The following PCNT variants were observed in gnomAD, a reference collection of about 807,000 sequenced individuals.
The protein encoded by PCNT is pericentrin.
PCNT carries 319 observed loss-of-function variants against 380.4 expected under a neutral mutation model. The observed-to-expected ratio is 0.84, with a 90% confidence interval of 0.77 to 0.92. The LOEUF is 0.92. PCNT is among the 40% of genes least tolerant of loss of function. PCNT has a pLI of 0.00. For missense variants in PCNT, 4,400 were observed against 4,255.3 expected (o/e 1.03, Z -0.95); for synonymous variants, 1,845 against 1,735.2 (o/e 1.06, Z -1.57).
intron 15 of PCNT, 51 bp from the exon 16 acceptor site, chr21:46,381,642 GA>G: frequency 6.4e-7 from 1 of 1,552,978 alleles, no homozygotes. Flanking sequence ...TAACAGCAAA[GA>G]AAGTATTTTT....
chr21:46,361,023 A>C (rs1307249012), intron 13 of PCNT, among the ~76,000 whole-genome samples: 1 of 152,102 alleles, frequency 6.6e-6, no homozygotes, highest in Non-Finnish European at 1.5e-5. Context: ...TCTAGAACTG[A>C]TTTTAATGTA....
At chr21:46,369,338 A>G (rs1310332322) in intron 15 of PCNT, among the ~76,000 whole-genome samples, 1 of 152,196 alleles carries the variant, frequency 6.6e-6, no homozygotes. Context: ...CCTCCCAGGT[A>G]GTTGGAATTA....
At chr21:46,387,181 A>C (rs1464993084) in intron 17 of PCNT, among the ~76,000 whole-genome samples, 1 of 152,006 alleles carries the variant, frequency 6.6e-6, no homozygotes, top group East Asian at 1.9e-4. Context: ...CTGTTTCTGG[A>C]GCATTGGTGT....
rs1326455412 is a variant in PCNT, at chr21:46,363,838, A to C, written c.2513A>C (p.Gln838Pro). ...TCAGACGACGCCCTGCATTGCAGCC[A>C]GTGTGGGCGGGAGCCGCCCACAGCC... is the stretch of plus-strand genomic sequence containing the variant. The part of the protein sequence containing the change: ...LTSDDALHCS[Q>P]CGREPPTAQD... Residue 838 changes from glutamine (Q) to proline (P), a missense_variant, in exon 14 of 47, where the codon CAG becomes CCG. Physicochemically the swap from Gln to Pro is moderately conservative, Grantham distance 76 (BLOSUM62 -1). Coordinates refer to ENST00000359568, the MANE Select transcript of PCNT (RefSeq NM_006031.6). 2 of 1,612,100 alleles carry C rather than the reference A, an allele frequency of 1.2e-6. No individual in the cohort carries two copies. The highest frequency in any genetic ancestry group is 2.2e-5 in the East Asian group (1 of 44,856).
chr21:46,325,021 G>T (rs977080688), intron 1 of PCNT: 50 of 985,190 alleles, frequency 5.1e-5, no homozygotes, highest in Non-Finnish European at 5.8e-5. Context: ...CGCTGGCGCC[G>T]GGCGCCTTCA....
At position 46,346,121 on chromosome 21, in the gene PCNT, T is replaced by TC. The variant is rs1312705329; in HGVS notation, c.640-3dup. The TC allele has an allele frequency of 1.9e-6, 3 of 1,613,892 alleles. No homozygotes were observed. In the African/African-American group the frequency reaches 4.0e-5, roughly 22 times the overall value. ...CTGGACCTACATTCTTTGCCTTTTT[T>TC]CCCCAGGAGTGTGAACAAGAATGTG... On this transcript the variant is annotated splice_region_variant and splice_polypyrimidine_tract_variant and intron_variant, in intron 3 of 46. Coordinates refer to ENST00000359568, the MANE Select transcript of PCNT (RefSeq NM_006031.6).
intron 33 of PCNT, among the ~76,000 whole-genome samples, 153 bp downstream of exon 33, chr21:46,426,124 A>G (rs1354695807): frequency 2.4e-5 from 2 of 83,494 alleles, no homozygotes; most frequent in Non-Finnish European, 4.2e-5. Flanking sequence ...AACCTCCACC[A>G]CCCCGGGTCA....
rs2087474843 is a variant in PCNT at position 46,425,900 on chromosome 21, A to G, written c.7249A>G (p.Ser2417Gly). The change falls in exon 33 of 47, where the codon AGC becomes GGC. Residue 2417 changes from serine (S) to glycine (G), a missense_variant. By Grantham distance (56) the Ser-to-Gly change is moderately conservative (BLOSUM62 0). Coordinates refer to ENST00000359568, the MANE Select transcript of PCNT (RefSeq NM_006031.6). The surrounding 1 kb of genome is among the most constrained non-coding windows in gnomAD (Gnocchi z 4.2). ...LALSEGLAPP[S>G]GEPHPPRKED... ...GCTGTCAGAAGGCCTTGCACCCCCA[A>G]GCGGCGAGCCACACCCACCCCGGAA... is the stretch of plus-strand genomic sequence containing the variant. 1 of 1,613,886 alleles carries G rather than the reference A, an allele frequency of 6.2e-7. No homozygotes were observed. Among genetic ancestry groups the G allele is most frequent in the East Asian group, 2.2e-5 (1 of 44,872 alleles).
intron 8 of PCNT, among the ~76,000 whole-genome samples, chr21:46,350,373 C>A (rs558326255): frequency 2.0e-5 from 3 of 152,040 alleles, no homozygotes; most frequent in Non-Finnish European, 4.4e-5. Flanking sequence ...AAGGCCACAT[C>A]CTCTAACCGT....
At chr21:46,336,817 A>G (rs1168304744) in intron 3 of PCNT, among the ~76,000 whole-genome samples, 1 of 152,056 alleles carries the variant, frequency 6.6e-6, no homozygotes, top group African/African-American at 2.4e-5. Flanking sequence ...ATAGACATAT[A>G]TGTTAAATAG....
chr21:46,389,302 C>T lies in PCNT; in HGVS notation c.3711C>T (p.His1237=). 1.2e-6 allele frequency: 2 copies of T among 1,614,236 alleles called. No individual in the cohort carries two copies. The highest frequency in any genetic ancestry group is 2.2e-5 in the East Asian group (1 of 44,878). ...EMSSVAEISS[H]MRESFLMSPE... ...CTTCCGTGGCTGAAATTAGCAGCCACATGCGTGAAAGCTTTCTCATGAGCC... is the reference window on the plus strand; with the variant it reads ...CTTCCGTGGCTGAAATTAGCAGCCATATGCGTGAAAGCTTTCTCATGAGCC... Residue 1237 remains histidine, a synonymous_variant, in exon 19 of 47, where the codon CAC becomes CAT. Coordinates refer to ENST00000359568, the MANE Select transcript of PCNT (RefSeq NM_006031.6).
chr21:46,340,628 G>T (rs2083886122), intron 3 of PCNT, among the ~76,000 whole-genome samples: 1 of 152,090 alleles, frequency 6.6e-6, no homozygotes, highest in South Asian at 2.1e-4. Flanking sequence ...TGAGTGAATT[G>T]GTCTCCACTT....
rs751787489 is a variant in PCNT, at chr21:46,431,489, C to G, written c.8065-40C>G. On this transcript the variant is annotated intron_variant, in intron 37 of 46. Transcript: ENST00000359568. The stretch of plus-strand genomic sequence containing the variant: ...GGAAAACCATGTAGACACTTTTCCT[C>G]TTGATTCAGTGTCTCCCATCGTATG... 11 of 1,613,694 alleles carry G rather than the reference C, an allele frequency of 6.8e-6. No individual in the cohort carries two copies. In the South Asian group the frequency reaches 7.7e-5, roughly 11 times the overall value.
chr21:46,334,478 T>G lies in PCNT; in HGVS notation c.349T>G (p.Cys117Gly), dbSNP rs910342423. The G allele has an allele frequency of 6.2e-7, 1 of 1,613,972 alleles. No individual in the cohort carries two copies. Among genetic ancestry groups the G allele is most frequent in the Non-Finnish European group, 8.5e-7 (1 of 1,180,004 alleles). The change falls in exon 3 of 47, where the codon TGT (cysteine) becomes GGT (glycine). Residue 117 changes from cysteine (C) to glycine (G), a missense_variant. Cys to Gly is a radical substitution (Grantham distance 159). Coordinates refer to ENST00000359568, the MANE Select transcript of PCNT (RefSeq NM_006031.6). Reference sequence around the variant, plus strand: ...AGTCAATGACCATCCTCCAGAGCAGTGTGGGATGTTCACAGTCAGTGACCA... The same window carrying G: ...AGTCAATGACCATCCTCCAGAGCAGGGTGGGATGTTCACAGTCAGTGACCA... The part of the protein sequence containing the change: ...KQVNDHPPEQ[C>G]GMFTVSDHPP...
rs770630522 is a variant in PCNT at position 46,326,438 on chromosome 21, C to A, written c.116C>A (p.Ala39Glu). 1.2e-6 allele frequency: 2 copies of A among 1,614,146 alleles called. No homozygotes were observed. The highest frequency in any genetic ancestry group is 2.2e-5 in the South Asian group (2 of 91,076). The change falls in exon 2 of 47, where the codon GCG (alanine) becomes GAG (glutamate). Residue 39 changes from alanine (A) to glutamate (E), a missense_variant. Physicochemically the swap from Ala to Glu is moderately radical, Grantham distance 107. Coordinates refer to ENST00000359568, the MANE Select transcript of PCNT (RefSeq NM_006031.6). ...AGTTCGCATTCGGAGAAAAAGACGGCGAAGAGGAAGGGCTCGGCTGTCGAT... is the reference window on the plus strand; with the variant it reads ...AGTTCGCATTCGGAGAAAAAGACGGAGAAGAGGAAGGGCTCGGCTGTCGAT... ...GDSSHSEKKT[A>E]KRKGSAVDAS...
At chr21:46,444,280 G>A (rs2053692181) in intron 45 of PCNT, among the ~76,000 whole-genome samples, 1 of 152,180 alleles carries the variant, frequency 6.6e-6, no homozygotes, top group Non-Finnish European at 1.5e-5. Flanking sequence ...GGGTGGAGAG[G>A]GAAAAGGGAT....
At chr21:46,430,454 G>A (rs575768755) in intron 36 of PCNT, 53 bp from the exon 37 acceptor site, 105 of 1,546,744 alleles carry the variant, frequency 6.8e-5, no homozygotes, top group East Asian at 2.9e-4. Context: ...CCCAGCCCCC[G>A]GGAACACACT....
chr21:46,434,227 C>T (rs2087876184), intron 38 of PCNT, among the ~76,000 whole-genome samples: 1 of 152,226 alleles, frequency 6.6e-6, no homozygotes, highest in Non-Finnish European at 1.5e-5. Flanking sequence ...TCCTCTGTAT[C>T]TTACTTTCCT....
chr21:46,327,045 G>A (rs1387686222), intron 2 of PCNT, among the ~76,000 whole-genome samples: 1 of 151,326 alleles, frequency 6.6e-6, no homozygotes, highest in African/African-American at 2.4e-5. Context: ...AATTTTTATG[G>A]TTTTATTCTT....
Sources: gnomAD v4.1 joint callset for allele counts (sites outside exome capture counted in the v4.1 genomes callset) on GRCh38, gnomAD v4.1.1 for gene constraint, Gnocchi (gnomAD v3.1) non-coding constraint, MANE v1.5 for transcripts, NCBI Gene and HGNC (gene_info 2026-07-23, HGNC 2026-07-21) for gene names.